Variants in MROH1 observed in about 807,000 individuals in gnomAD.
MROH1 encodes maestro heat-like repeat-containing protein family member 1.
Under a neutral mutation model 116.5 loss-of-function variants are expected in MROH1, and 117 were observed. That is an observed-to-expected ratio of 1.00 (90% CI 0.86 to 1.17). MROH1 has a LOEUF of 1.17. Ranked by LOEUF, MROH1 falls within the 50% of genes most tolerant of loss-of-function variation. The pLI, the probability that MROH1 is intolerant of heterozygous loss-of-function variation, is 0.00. For missense variants in MROH1, 1,873 were observed against 1,338.5 expected (o/e 1.40, Z -6.23); for synonymous variants, 921 against 583.9 (o/e 1.58, Z -8.32).
intron 3 of MROH1, among the ~76,000 whole-genome samples, chr8:144,167,853 G>T (rs1248209781): frequency 6.6e-6 from 1 of 152,180 alleles, no homozygotes; most frequent in Non-Finnish European, 1.5e-5. Flanking sequence ...GGGCCATGGG[G>T]AACCCCAGGC....
chr8:144,218,635 G>A (rs1835796881), intron 12 of MROH1, among the ~76,000 whole-genome samples: 1 of 136,150 alleles, frequency 7.3e-6, no homozygotes, highest in Non-Finnish European at 1.5e-5. Flanking sequence ...CTGAACTTCA[G>A]TGGTCCTTTA....
chr8:144,196,383 C>T (rs1408042316), intron 10 of MROH1, among the ~76,000 whole-genome samples: 4 of 151,444 alleles, frequency 2.6e-5, no homozygotes, highest in Non-Finnish European at 4.4e-5. Flanking sequence ...GAGACAGAGT[C>T]TTTCACTCTG....
intron 4 of MROH1, among the ~76,000 whole-genome samples, chr8:144,178,706 G>A (rs1358243643): frequency 6.6e-6 from 1 of 152,210 alleles, no homozygotes; most frequent in Non-Finnish European, 1.5e-5. Context: ...CATGGTGGGT[G>A]CATCATTGGG....
chr8:144,209,027 TTGTGTGTGTGTGTGTGTGTG>T (rs71320812), intron 12 of MROH1, among the ~76,000 whole-genome samples: 60 of 141,634 alleles, frequency 4.2e-4, no homozygotes, highest in East Asian at 8.4e-4. Context: ...CTCGGCCATT[TTGTGTGTGTGTGTGTGTGTG>T]TGTGTGTGTG....
intron 7 of MROH1, among the ~76,000 whole-genome samples, chr8:144,188,605 T>C (rs897550598): frequency 6.6e-6 from 1 of 151,986 alleles, no homozygotes; most frequent in African/African-American, 2.4e-5. Context: ...TAGCTGGGAT[T>C]ACAGGGGCGT....
rs959157397 is a variant in MROH1, at chr8:144,253,350, G to A, written c.3429-1463G>A. Among the ~76,000 whole-genome samples the A allele has an allele frequency of 7.7e-3, 1,177 of 152,370 alleles. 8 individuals are homozygous for A. The highest frequency in any genetic ancestry group is 0.027 in the African/African-American group (1,104 of 41,584). ...CAGCCGCTCCGTCCACTTCCACGCT[G>A]TCTGTGGCTGCTCTCGCACTACAGC... On this transcript the variant is annotated intron_variant, in intron 33 of 43. Coordinates refer to ENST00000326134, the MANE Select transcript of MROH1 (RefSeq NM_032450.3).
chr8:144,180,642 G>A lies in MROH1; in HGVS notation c.562+119G>A. On this transcript the variant is annotated intron_variant, in intron 7 of 43. Coordinates refer to ENST00000326134, the MANE Select transcript of MROH1 (RefSeq NM_032450.3). The surrounding 1 kb of genome is among the most constrained non-coding windows in gnomAD (Gnocchi z 7.4). ...TTAGGCTGCAGGAAGGGGGGCTGTT[G>A]GAGGGAGGGGCCCCCTGGCTGAGGC... The A allele has an allele frequency of 2.1e-6, 2 of 974,370 alleles. No homozygotes were observed. Among genetic ancestry groups the A allele is most frequent in the Non-Finnish European group, 3.0e-6 (2 of 669,706 alleles). 60.4% of individuals were successfully genotyped at this position (974,370 alleles called of 1,614,324 possible). A position where few individuals can be genotyped will look rare whatever the true frequency, so the allele number is the denominator to read the frequency against.
chr8:144,241,140 A>G, intron 21 of MROH1, 29 bp downstream of exon 21: 1 of 731,736 alleles, frequency 1.4e-6, no homozygotes, highest in South Asian at 1.5e-5. Context: ...CAGAAGCCCC[A>G]GACACCCCAG....
At chr8:144,232,986 CT>C (rs1839238210) in intron 14 of MROH1, among the ~76,000 whole-genome samples, 1 of 151,822 alleles carries the variant, frequency 6.6e-6, no homozygotes, top group South Asian at 2.1e-4. Context: ...ACCACCACAC[CT>C]GGCTAATATT....
intron 24 of MROH1, among the ~76,000 whole-genome samples, chr8:144,243,256 G>A (rs34502247): frequency 0.41 from 63,113 of 152,162 alleles, 15,570 homozygotes; most frequent in East Asian, 0.72. Context: ...GGGCCCTCTG[G>A]TCACACCACA....
rs1825898916 is a variant in MROH1, at chr8:144,182,256, A to G, written c.562+1733A>G. 6.6e-6 allele frequency among the ~76,000 whole-genome samples: 1 copy of G among 152,180 alleles called. No homozygotes were observed. The highest frequency in any genetic ancestry group is 1.5e-5 in the Non-Finnish European group (1 of 68,024). On this transcript the variant is annotated intron_variant, in intron 7 of 43. Transcript: ENST00000326134. This position sits in a 1 kb window ranked among gnomAD's most constrained non-coding sequence, Gnocchi z 4.1. ...CCAAGGACAGGAGTGCCCTCAGGGC[A>G]CTGCAGCCAGGAGGCGAGGAGCCTC...
At chr8:144,169,682 A>G (rs866728903) in intron 4 of MROH1, among the ~76,000 whole-genome samples, 146 of 130,518 alleles carry the variant, frequency 1.1e-3, no homozygotes, top group Middle Eastern at 0.011. Context: ...TGGCTCTGTC[A>G]CCCAGGCTGG....
chr8:144,178,558 C>T (rs535948157), intron 4 of MROH1, among the ~76,000 whole-genome samples: 8 of 152,280 alleles, frequency 5.3e-5, no homozygotes, highest in East Asian at 3.9e-4. Context: ...CGTGAGCCAC[C>T]GCGCCTGTTC....
Position 144,190,898 on chromosome 8 carries a change from T to C in MROH1, c.677T>C (p.Val226Ala), listed in dbSNP as rs747271969. 2 of 1,613,700 alleles carry C rather than the reference T, an allele frequency of 1.2e-6. No individual in the cohort carries two copies. Among genetic ancestry groups the C allele is most frequent in the Admixed American group, 3.3e-5 (2 of 60,018 alleles). Residue 226 changes from valine (V) to alanine (A), a missense_variant, in exon 8 of 44, where the codon GTT (valine) becomes GCT (alanine). By Grantham distance (64) the Val-to-Ala change is moderately conservative. Coordinates refer to ENST00000326134, the MANE Select transcript of MROH1 (RefSeq NM_032450.3). Reference sequence around the variant, plus strand: ...ACCGACATCTTCAGCGCCTACGATGTTCTCTTCCATCAGTGGCTGCAGAGT... The same window carrying C: ...ACCGACATCTTCAGCGCCTACGATGCTCTCTTCCATCAGTGGCTGCAGAGT... ...FATDIFSAYD[V>A]LFHQWLQSRE... is the part of the protein sequence containing the mutation.
At chr8:144,258,668 G>A (rs976914246) in intron 35 of MROH1, 109 bp from the exon 36 acceptor site, 1 of 694,546 alleles carries the variant, frequency 1.4e-6, no homozygotes, top group Admixed American at 2.0e-5. Flanking sequence ...GCAGGGATAG[G>A]GCTAGCCACC....
intron 43 of MROH1, 39 bp from the exon 44 acceptor site, chr8:144,261,616 G>C (rs901937591): frequency 1.4e-6 from 1 of 702,168 alleles, no homozygotes; most frequent in Non-Finnish European, 2.6e-6. Flanking sequence ...GGCATGCCGA[G>C]GTCACAGCCC....
Position 144,180,181 on chromosome 8 carries a change from C to G in MROH1, c.304C>G (p.Leu102Val), listed in dbSNP as rs1825215054. The change falls in exon 6 of 44, where the codon CTG becomes GTG. Residue 102 changes from leucine (L) to valine (V), a missense_variant. Coordinates refer to ENST00000326134, the MANE Select transcript of MROH1 (RefSeq NM_032450.3). This position sits in a 1 kb window ranked among gnomAD's most constrained non-coding sequence, Gnocchi z 7.4. ...CCTGCCGGTGTTTTGGGTTCAGGAC[C>G]TGGTCTGGGACTGGCAGCAGGCGGC... ...ASSEMTKTKD[L>V]VWDWQQAASG... The G allele has an allele frequency of 6.2e-7, 1 of 1,613,854 alleles. No homozygotes were observed.
Position 144,165,797 on chromosome 8 carries a change from G to A in MROH1, c.22+1949G>A, listed in dbSNP as rs548684904. ...GGGGTTTCACCATGTTGGCCAGGCT[G>A]GTCTCAAACTCCTGGACTTAAGTGA... On this transcript the variant is annotated intron_variant, in intron 3 of 43. Transcript: ENST00000326134. Among the ~76,000 whole-genome samples, 11 of 147,014 alleles carry A rather than the reference G, an allele frequency of 7.5e-5. No homozygotes were observed. In the East Asian group the frequency reaches 2.2e-3, roughly 29 times the overall value.
chr8:144,254,864 C>T lies in MROH1; in HGVS notation c.3480C>T (p.Ala1160=), dbSNP rs1363903110. Residue 1160 remains alanine (A), a synonymous_variant, in exon 34 of 44, where the codon GCC becomes GCT. Coordinates refer to ENST00000326134, the MANE Select transcript of MROH1 (RefSeq NM_032450.3). ...TGGCGGTGGAGCCTCGCCTAGCTGC[C>T]CAGGTCCTGGGGCTGCTGCTGGAGA... ...RALAVEPRLA[A]QVLGLLLEKM... The T allele has an allele frequency of 2.6e-6, 2 of 777,922 alleles. No homozygotes were observed. Among genetic ancestry groups the T allele is most frequent in the Admixed American group, 1.7e-5 (1 of 58,954 alleles). The allele number at this position is 777,922 out of a possible 1,614,324, so 48.2% of individuals were successfully genotyped here.
Sources: gnomAD v4.1 joint callset for allele counts (sites outside exome capture counted in the v4.1 genomes callset) on GRCh38, gnomAD v4.1.1 for gene constraint, Gnocchi (gnomAD v3.1) non-coding constraint, MANE v1.5 for transcripts, NCBI Gene and HGNC (gene_info 2026-07-23, HGNC 2026-07-21) for gene names.